TTC8: variants seen among roughly 807,000 people sequenced by gnomAD.
The protein encoded by TTC8 is tetratricopeptide repeat protein 8.
A neutral mutation model predicts 72.5 loss-of-function variants in TTC8; 47 were observed. That is an observed-to-expected ratio of 0.65 (90% CI 0.51 to 0.83). The LOEUF (loss-of-function observed/expected upper bound fraction) is 0.83. Among genes scored for constraint, TTC8 ranks in the 40% least tolerant of loss-of-function variants. The probability of loss-of-function intolerance (pLI) is 0.00; values close to 1 mark genes in which losing one functional copy is unlikely to be tolerated. For missense variants in TTC8, 611 were observed against 623.2 expected (o/e 0.98, Z 0.21); for synonymous variants, 199 against 221.4 (o/e 0.90, Z 0.90).
At chr14:88,859,876 T>TTATATATTATATAATATATAATATAAA (rs2094876760) in intron 9 of TTC8, among the ~76,000 whole-genome samples, 1 of 117,602 alleles carries the variant, frequency 8.5e-6, no homozygotes, top group Non-Finnish European at 1.5e-5. Flanking sequence ...TATAAATATA[T>TTATATATTATATAATATATAATATAAA]TATATATTAT....
chr14:88,852,638 T>C (rs1348423506), intron 7 of TTC8, among the ~76,000 whole-genome samples: 1 of 152,202 alleles, frequency 6.6e-6, no homozygotes, highest in African/African-American at 2.4e-5. Flanking sequence ...TTTGAATCAT[T>C]ATACAGTAGA....
At chr14:88,879,316 A>G (rs1280712879), downstream of TTC8, 1 of 152,182 alleles carries the variant, frequency 6.6e-6, no homozygotes, top group Non-Finnish European at 1.5e-5. Flanking sequence ...ATTTCTGTAG[A>G]AAGAACACAA....
intron 7 of TTC8, among the ~76,000 whole-genome samples, chr14:88,852,057 T>C (rs1010712585): frequency 2.0e-5 from 3 of 152,218 alleles, no homozygotes; most frequent in South Asian, 2.1e-4. Flanking sequence ...ATGTTAACAC[T>C]GGCTAAAGAA....
At chr14:88,824,617 GT>G, upstream of TTC8, 1 of 1,083,172 alleles carries the variant, frequency 9.2e-7, no homozygotes, top group Non-Finnish European at 1.4e-6. Context: ...GCCGTCGCGG[GT>G]TGCCGGGCAG....
chr14:88,875,925 A>T (rs1415906253), intron 14 of TTC8, among the ~76,000 whole-genome samples: 1 of 151,786 alleles, frequency 6.6e-6, no homozygotes, highest in African/African-American at 2.4e-5. Flanking sequence ...TTCCTCACTC[A>T]TTTTTTTCAT....
rs902141115 is a variant in TTC8 at position 88,875,194 on chromosome 14, T to A, written c.1431+85T>A. 1.2e-5 allele frequency: 13 copies of A among 1,098,228 alleles called. No homozygotes were observed. In the South Asian group the frequency reaches 1.8e-4, roughly 15 times the overall value. 68.0% of individuals were successfully genotyped at this position (1,098,228 alleles called of 1,614,324 possible). ...AAAAAGTACAAATAAATGAGGAAAT[T>A]CTAACCTCATCTTCCTGAAAGAAAT... On this transcript the variant is annotated intron_variant, in intron 14 of 14. Transcript: ENST00000380656.
rs1229358396 is a variant in TTC8 at position 88,860,329 on chromosome 14, T to G, written c.799-893T>G. 2.0e-5 allele frequency among the ~76,000 whole-genome samples: 3 copies of G among 152,196 alleles called. No homozygotes were observed. The East Asian group carries it at 5.8e-4, about 29-fold the overall frequency. ...ATGGAAAAAAAGTGTCATAATCTTA[T>G]GTTGCCATACATAAAATAATAATAC... is the stretch of plus-strand genomic sequence containing the variant. On this transcript the variant is annotated intron_variant, in intron 9 of 14. Transcript: ENST00000380656.
At chr14:88,873,142 A>C (rs1405071490) in intron 13 of TTC8, among the ~76,000 whole-genome samples, 1 of 152,152 alleles carries the variant, frequency 6.6e-6, no homozygotes, top group Non-Finnish European at 1.5e-5. Flanking sequence ...ATGGCCTTTG[A>C]GGCCCCACGT....
chr14:88,831,813 A>G (rs962638770), intron 1 of TTC8, among the ~76,000 whole-genome samples: 2 of 152,224 alleles, frequency 1.3e-5, no homozygotes, highest in African/African-American at 4.8e-5. Context: ...AATATAGTTC[A>G]TAAATCATTG....
Position 88,870,046 on chromosome 14 carries a change from T to A in TTC8, c.910-13T>A. On this transcript the variant is annotated splice_polypyrimidine_tract_variant and intron_variant, in intron 10 of 14. Coordinates refer to ENST00000380656, the MANE Select transcript of TTC8 (RefSeq NM_144596.4). ...TTAATAAAATATTGCTCTTCTCTCTTGATGGAGAATAGGAAATGAACAATA... is the reference window on the plus strand; with the variant it reads ...TTAATAAAATATTGCTCTTCTCTCTAGATGGAGAATAGGAAATGAACAATA... 1 of 1,613,668 alleles carries A rather than the reference T, an allele frequency of 6.2e-7. No homozygotes were observed. Among genetic ancestry groups the A allele is most frequent in the Non-Finnish European group, 8.5e-7 (1 of 1,179,780 alleles).
chr14:88,857,873 A>G (rs997843662), intron 9 of TTC8, among the ~76,000 whole-genome samples: 2 of 152,036 alleles, frequency 1.3e-5, no homozygotes, highest in African/African-American at 4.8e-5. Context: ...ATTCAGATCC[A>G]GGTCTTTCTG....
chr14:88,846,122 C>T (rs1194682217), intron 7 of TTC8, among the ~76,000 whole-genome samples: 4 of 151,886 alleles, frequency 2.6e-5, no homozygotes, highest in Admixed American at 6.6e-5. Flanking sequence ...GCCTAGGCAA[C>T]GTGGCGAAAC....
At chr14:88,866,194 T>C (rs2141025564) in intron 10 of TTC8, among the ~76,000 whole-genome samples, 1 of 152,194 alleles carries the variant, frequency 6.6e-6, no homozygotes, top group East Asian at 1.9e-4. Context: ...TTGATAAATT[T>C]GAGAATGTAA....
chr14:88,841,247 A>G, intron 5 of TTC8, 51 bp downstream of exon 5: 1 of 1,610,570 alleles, frequency 6.2e-7, no homozygotes, highest in Non-Finnish European at 8.5e-7. Flanking sequence ...GTATTACCAA[A>G]GTAGCTTTAT....
At chr14:88,825,689 C>T (rs896424804) in intron 1 of TTC8, among the ~76,000 whole-genome samples, 1 of 152,142 alleles carries the variant, frequency 6.6e-6, no homozygotes, top group Admixed American at 6.5e-5. Context: ...CTAGCTTTTC[C>T]TCTAGTGGTG....
At chr14:88,875,143 CT>C in intron 14 of TTC8, 34 bp downstream of exon 14, 1 of 1,541,286 alleles carries the variant, frequency 6.5e-7, no homozygotes, top group Middle Eastern at 1.7e-4. Context: ...ATCATCTGAT[CT>C]GTTCTTTTTT....
chr14:88,838,627 TAAAGG>T (rs910966331), intron 2 of TTC8, among the ~76,000 whole-genome samples: 1 of 152,180 alleles, frequency 6.6e-6, no homozygotes, highest in Admixed American at 6.5e-5. Context: ...TATTCTGTAG[TAAAGG>T]AAAGGTAGAA....
At chr14:88,843,985 A>T in intron 7 of TTC8, 135 bp downstream of exon 7, 1 of 669,492 alleles carries the variant, frequency 1.5e-6, no homozygotes, top group South Asian at 1.9e-5. Context: ...AATACTTTAA[A>T]ATCCACCCTC....
intron 7 of TTC8, among the ~76,000 whole-genome samples, chr14:88,844,337 G>A (rs999446411): frequency 2.0e-5 from 3 of 152,086 alleles, no homozygotes; most frequent in East Asian, 1.9e-4. Context: ...AGTTATATGC[G>A]TATGACTTCT....
Sources: allele counts gnomAD v4.1 joint callset (sites outside exome capture counted in the v4.1 genomes callset), GRCh38; gene constraint gnomAD v4.1.1; transcripts MANE v1.5; gene names NCBI Gene and HGNC (gene_info 2026-07-23, HGNC 2026-07-21).